OR9Q1: variants seen among roughly 807,000 people sequenced by gnomAD.
OR9Q1 encodes the protein olfactory receptor 9Q1.
For missense variants in OR9Q1, 374 were observed against 378.8 expected (o/e 0.99, Z 0.11); for synonymous variants, 153 against 148.6 (o/e 1.03, Z -0.22).
At chr11:58,131,927 A>C (rs1226524085) in intron 2 of OR9Q1, among the ~76,000 whole-genome samples, 1 of 152,222 alleles carries the variant, frequency 6.6e-6, no homozygotes, top group Non-Finnish European at 1.5e-5. Context: ...TCAATTTAAA[A>C]AAATACCTAG....
At chr11:58,061,003 C>G (rs1274822602) in intron 2 of OR9Q1, among the ~76,000 whole-genome samples, 1 of 152,116 alleles carries the variant, frequency 6.6e-6, no homozygotes, top group African/African-American at 2.4e-5. Context: ...CGAGTTCATG[C>G]CTTTTCCTCT....
intron 2 of OR9Q1, among the ~76,000 whole-genome samples, chr11:58,110,656 A>G (rs1853890996): frequency 6.6e-6 from 1 of 152,192 alleles, no homozygotes; most frequent in Admixed American, 6.5e-5. Flanking sequence ...TAACAGCAAG[A>G]CATTTCTTGT....
At chr11:58,082,126 G>A (rs1853593120) in intron 2 of OR9Q1, among the ~76,000 whole-genome samples, 1 of 152,136 alleles carries the variant, frequency 6.6e-6, no homozygotes, top group Non-Finnish European at 1.5e-5. Flanking sequence ...GTGCTGGAGA[G>A]GATGTGGAGA....
chr11:58,145,679 G>A (rs900324689), intron 2 of OR9Q1, among the ~76,000 whole-genome samples: 4 of 152,326 alleles, frequency 2.6e-5, no homozygotes, highest in African/African-American at 9.6e-5. Flanking sequence ...GATCAAGGGA[G>A]AGGGAATCCC....
chr11:58,099,406 AT>A (rs1420053590), intron 2 of OR9Q1, among the ~76,000 whole-genome samples: 1 of 151,438 alleles, frequency 6.6e-6, no homozygotes, highest in Non-Finnish European at 1.5e-5. Flanking sequence ...GTGCACAGAT[AT>A]GTAAGGTTGT....
intron 2 of OR9Q1, among the ~76,000 whole-genome samples, chr11:58,099,982 C>T (rs112661339): frequency 9.9e-4 from 150 of 152,248 alleles, no homozygotes; most frequent in African/African-American, 3.3e-3. Context: ...CACTTATTGA[C>T]TCGTAATATT....
At chr11:58,142,131 C>A (rs1307465060) in intron 2 of OR9Q1, among the ~76,000 whole-genome samples, 1 of 152,072 alleles carries the variant, frequency 6.6e-6, no homozygotes. Context: ...TCTTAATATC[C>A]TTATCCTTAC....
At chr11:58,153,506 A>C (rs1308285278) in intron 2 of OR9Q1, among the ~76,000 whole-genome samples, 1 of 152,050 alleles carries the variant, frequency 6.6e-6, no homozygotes, top group Non-Finnish European at 1.5e-5. Flanking sequence ...GCTCTATAGG[A>C]GCAATGACCT....
chr11:58,100,661 G>T (rs1483272447), intron 2 of OR9Q1, among the ~76,000 whole-genome samples: 1 of 151,396 alleles, frequency 6.6e-6, no homozygotes. Flanking sequence ...CTTATAGTTT[G>T]TGTCTACTGA....
chr11:58,044,812 G>A lies in OR9Q1; in HGVS notation c.-92-11058G>A, dbSNP rs1339868889. 3.3e-5 allele frequency: 5 copies of A among 152,240 alleles called. No individual in the cohort carries two copies. In the East Asian group the frequency reaches 9.7e-4, roughly 29 times the overall value. 9.4% of individuals were successfully genotyped at this position (152,240 alleles called of 1,614,324 possible). ...TTGGAATTCTGGTTCTGCCCTTTAT[G>A]GTTTGCGTGCCTTGGGCTTAACATC... On this transcript the variant is annotated intron_variant, in intron 1 of 2. Coordinates refer to ENST00000335397, the MANE Select transcript of OR9Q1 (RefSeq NM_001005212.4).
chr11:58,101,577 G>A (rs1853783771), intron 2 of OR9Q1, among the ~76,000 whole-genome samples: 1 of 152,118 alleles, frequency 6.6e-6, no homozygotes, highest in Non-Finnish European at 1.5e-5. Context: ...CTCCCATTCT[G>A]TGGGTTGTCT....
Position 58,119,958 on chromosome 11 carries a change from A to G in OR9Q1, c.-14-59473A>G, listed in dbSNP as rs112968757. 8.5e-3 allele frequency among the ~76,000 whole-genome samples: 1,299 copies of G among 152,266 alleles called. 19 individuals are homozygous for G. The highest frequency in any genetic ancestry group is 0.029 in the African/African-American group (1,215 of 41,546). Reference sequence around the variant, plus strand: ...TCACTTCTTCTTATGAAAGCCTTTCACAAGTTGGAACTGATGAATCTGCTC... The same window carrying G: ...TCACTTCTTCTTATGAAAGCCTTTCGCAAGTTGGAACTGATGAATCTGCTC... On this transcript the variant is annotated intron_variant, in intron 2 of 2. Transcript: ENST00000335397.
At chr11:58,079,464 A>G (rs1374212983) in intron 2 of OR9Q1, among the ~76,000 whole-genome samples, 1 of 152,112 alleles carries the variant, frequency 6.6e-6, no homozygotes, top group African/African-American at 2.4e-5. Flanking sequence ...TAGAGCTCTA[A>G]AATAGTTTGT....
chr11:58,105,287 A>T (rs1853829346), intron 2 of OR9Q1, among the ~76,000 whole-genome samples: 1 of 152,198 alleles, frequency 6.6e-6, no homozygotes, highest in African/African-American at 2.4e-5. Context: ...TGAAATGACG[A>T]CAATGCTCTG....
intron 2 of OR9Q1, among the ~76,000 whole-genome samples, chr11:58,098,173 G>A (rs751811095): frequency 9.2e-5 from 14 of 152,164 alleles, no homozygotes; most frequent in Non-Finnish European, 2.1e-4. Flanking sequence ...AAATGTTTGA[G>A]AGAAATCATC....
At chr11:58,033,497 G>A (rs1853064255) in intron 1 of OR9Q1, among the ~76,000 whole-genome samples, 1 of 152,306 alleles carries the variant, frequency 6.6e-6, no homozygotes, top group African/African-American at 2.4e-5. Flanking sequence ...GCAAATTAAT[G>A]CAGAAACTGA....
intron 2 of OR9Q1, chr11:58,119,611 A>T (rs910283049): frequency 1.7e-6 from 1 of 586,358 alleles, no homozygotes; most frequent in African/African-American, 1.9e-5. Context: ...TTCCTTGGGC[A>T]TCTCTTGCAT....
intron 2 of OR9Q1, among the ~76,000 whole-genome samples, chr11:58,085,079 C>T (rs1853621898): frequency 6.6e-6 from 1 of 151,806 alleles, no homozygotes; most frequent in African/African-American, 2.4e-5. Context: ...AATGTAAGTC[C>T]ATGTACGTTA....
intron 2 of OR9Q1, among the ~76,000 whole-genome samples, chr11:58,102,087 CTT>C (rs754154024): frequency 3.7e-4 from 57 of 152,080 alleles, no homozygotes; most frequent in Non-Finnish European, 4.0e-4. Flanking sequence ...AGATTTAAGT[CTT>C]TGATCCATAG....
Sources: gnomAD v4.1 joint callset for allele counts (sites outside exome capture counted in the v4.1 genomes callset) on GRCh38, gnomAD v4.1.1 for gene constraint, MANE v1.5 for transcripts, NCBI Gene and HGNC (gene_info 2026-07-23, HGNC 2026-07-21) for gene names.